Variants in SLC30A8 observed in about 807,000 individuals in gnomAD.
SLC30A8 encodes proton-coupled zinc antiporter SLC30A8.
Under a neutral mutation model 36.9 loss-of-function variants are expected in SLC30A8, and 27 were observed. The ratio of observed to expected loss-of-function variants is 0.73; its 90% CI spans 0.54 to 1.01. The LOEUF is 1.01. Ranked by LOEUF, SLC30A8 falls within the 50% of genes least tolerant of loss-of-function variation. The pLI is 0.00. For missense variants in SLC30A8, 439 were observed against 452.0 expected, an observed-to-expected ratio of 0.97 and a Z score of 0.26; for synonymous variants, 164 against 172.4, an observed-to-expected ratio of 0.95 and a Z score of 0.38.
At chr8:117,076,710 T>G (rs888551595) in intron 2 of SLC30A8, among the ~76,000 whole-genome samples, 1 of 152,166 alleles carries the variant, frequency 6.6e-6, no homozygotes, top group Non-Finnish European at 1.5e-5. Flanking sequence ...TTTTAATCAT[T>G]ACCTTATTTA....
chr8:117,064,155 C>T (rs1278119364), intron 2 of SLC30A8, among the ~76,000 whole-genome samples: 2 of 152,052 alleles, frequency 1.3e-5, no homozygotes, highest in African/African-American at 4.8e-5. Flanking sequence ...TCATGCCTGG[C>T]TAATTTTTGT....
intron 1 of SLC30A8, among the ~76,000 whole-genome samples, chr8:117,036,701 T>A (rs1049737672): frequency 4.6e-5 from 7 of 152,124 alleles, no homozygotes; most frequent in African/African-American, 1.7e-4. Context: ...GAGAATAGCA[T>A]GGGGGAAACC....
intron 1 of SLC30A8, among the ~76,000 whole-genome samples, chr8:116,968,066 G>A (rs1226072418): frequency 1.3e-5 from 2 of 152,054 alleles, no homozygotes; most frequent in South Asian, 2.1e-4. Context: ...CCTGATAAAC[G>A]TGAAGATTCT....
intron 1 of SLC30A8, among the ~76,000 whole-genome samples, chr8:116,958,913 G>A (rs989835745): frequency 2.2e-5 from 3 of 133,990 alleles, no homozygotes; most frequent in South Asian, 2.5e-4. Context: ...GCAGTGGTGC[G>A]ATCTCGGCTC....
intron 1 of SLC30A8, among the ~76,000 whole-genome samples, chr8:117,005,475 C>T (rs999148466): frequency 2.0e-5 from 3 of 152,174 alleles, no homozygotes; most frequent in Non-Finnish European, 2.9e-5. Context: ...ATTCATCAGT[C>T]GTTGGACTTT....
chr8:117,039,276 CTG>C (rs941555811), intron 2 of SLC30A8: 2 of 152,142 alleles, frequency 1.3e-5, no homozygotes, highest in African/African-American at 4.8e-5. Flanking sequence ...TATATTTACT[CTG>C]TGTGTGTGAG....
chr8:117,051,836 TA>T (rs1488627191), intron 2 of SLC30A8, among the ~76,000 whole-genome samples: 2 of 151,082 alleles, frequency 1.3e-5, no homozygotes, highest in Non-Finnish European at 3.0e-5. Flanking sequence ...ATAAAAAAAA[TA>T]AAAAAACCGA....
chr8:117,121,685 C>T (rs7006646), intron 2 of SLC30A8, among the ~76,000 whole-genome samples: 8,479 of 151,910 alleles, frequency 0.056, 629 homozygotes, highest in African/African-American at 0.17. Flanking sequence ...TAGCACCTTC[C>T]TACACTGCAA....
chr8:117,089,046 T>C (rs1819000106), intron 2 of SLC30A8, among the ~76,000 whole-genome samples: 1 of 152,246 alleles, frequency 6.6e-6, no homozygotes, highest in African/African-American at 2.4e-5. Flanking sequence ...GTCTTCCTCC[T>C]TGAAGTACTC....
chr8:117,141,850 T>C (rs1226298941), intron 1 of SLC30A8, among the ~76,000 whole-genome samples: 2 of 152,182 alleles, frequency 1.3e-5, no homozygotes, highest in Non-Finnish European at 2.9e-5. Context: ...TAATAATCTG[T>C]GCATTCATCT....
At chr8:117,020,112 A>C (rs759600790) in intron 1 of SLC30A8, among the ~76,000 whole-genome samples, 55 of 152,282 alleles carry the variant, frequency 3.6e-4, no homozygotes, top group Admixed American at 5.9e-4. Context: ...TTGAAAGGGG[A>C]GGATTTGCAG....
chr8:117,151,634 A>T (rs1204558865), intron 2 of SLC30A8, among the ~76,000 whole-genome samples: 1 of 152,204 alleles, frequency 6.6e-6, no homozygotes, highest in Admixed American at 6.5e-5. Context: ...AGAGTTTATA[A>T]AACTGACTTC....
At chr8:117,030,672 A>G (rs1305030691) in intron 1 of SLC30A8, among the ~76,000 whole-genome samples, 1 of 151,286 alleles carries the variant, frequency 6.6e-6, no homozygotes, top group Non-Finnish European at 1.5e-5. Context: ...GTGTAGATTT[A>G]GTCAAGGTAA....
intron 2 of SLC30A8, among the ~76,000 whole-genome samples, chr8:117,107,151 C>G (rs776390740): frequency 6.6e-6 from 1 of 152,110 alleles, no homozygotes; most frequent in Non-Finnish European, 1.5e-5. Flanking sequence ...AAAATAAATG[C>G]ATTTATATTG....
chr8:116,953,089 A>G (rs1814053518), intron 1 of SLC30A8, among the ~76,000 whole-genome samples: 1 of 151,922 alleles, frequency 6.6e-6, no homozygotes, highest in Non-Finnish European at 1.5e-5. Flanking sequence ...GAGTACCTAA[A>G]GTTTAGCTCC....
intron 2 of SLC30A8, among the ~76,000 whole-genome samples, chr8:117,042,919 G>A (rs939490279): frequency 2.6e-5 from 4 of 152,080 alleles, no homozygotes; most frequent in Non-Finnish European, 4.4e-5. Flanking sequence ...CAGGTGATCC[G>A]CTGGCCTTGG....
chr8:117,040,058 A>G (rs1817335049), intron 2 of SLC30A8, among the ~76,000 whole-genome samples: 1 of 152,204 alleles, frequency 6.6e-6, no homozygotes, highest in Admixed American at 6.5e-5. Flanking sequence ...GTGTATGTAC[A>G]TATGCCTGTG....
chr8:116,976,213 C>T (rs1352973138), intron 1 of SLC30A8, among the ~76,000 whole-genome samples: 1 of 149,532 alleles, frequency 6.7e-6, no homozygotes, highest in Admixed American at 6.7e-5. Context: ...CAGCTACTCA[C>T]TTACCAGTGA....
At chr8:117,165,856 T>C (rs1021414244) in intron 6 of SLC30A8, among the ~76,000 whole-genome samples, 7 of 152,228 alleles carry the variant, frequency 4.6e-5, no homozygotes, top group African/African-American at 1.4e-4. Flanking sequence ...GAGGACATTA[T>C]GCTAAGTAAA....
Sources: allele counts gnomAD v4.1 joint callset (sites outside exome capture counted in the v4.1 genomes callset), GRCh38; gene constraint gnomAD v4.1.1; transcripts MANE v1.5; gene names NCBI Gene and HGNC (gene_info 2026-07-23, HGNC 2026-07-21).